The following PXN variants were observed in gnomAD, a reference collection of about 807,000 sequenced individuals.
PXN encodes the protein paxillin.
In PXN, 61 loss-of-function variants were observed where a neutral mutation model predicts 103.6. The observed-to-expected ratio is 0.59, with a 90% CI of 0.48 to 0.73. PXN has a LOEUF of 0.73. Ranked by LOEUF, PXN falls within the 30% of genes least tolerant of loss-of-function variation. The probability of loss-of-function intolerance (pLI) is 0.00; values close to 1 mark genes in which losing one functional copy is unlikely to be tolerated. For synonymous variants in PXN, 562 were observed against 607.8 expected (o/e 0.92, Z 1.11); for missense variants, 1,274 against 1,460.3 (o/e 0.87, Z 2.08).
chr12:120,234,745 T>C (rs58777856), intron 1 of PXN, among the ~76,000 whole-genome samples: 2,441 of 152,114 alleles, frequency 0.016, 51 homozygotes, highest in East Asian at 0.1. Context: ...TAGCGCACAG[T>C]GAGTAATGGA....
At chr12:120,248,214 A>G (rs1594501261) in intron 1 of PXN, among the ~76,000 whole-genome samples, 1 of 152,066 alleles carries the variant, frequency 6.6e-6, no homozygotes, top group East Asian at 1.9e-4. Context: ...TCTGGGGAAC[A>G]TGAGGGACCC....
intron 3 of PXN, 140 bp from the exon 4 acceptor site, chr12:120,223,139 G>T: frequency 7.0e-7 from 1 of 1,426,148 alleles, no homozygotes; most frequent in Non-Finnish European, 9.5e-7. Context: ...GTAGGGAAGG[G>T]ATGTGGTAAG....
intron 1 of PXN, among the ~76,000 whole-genome samples, chr12:120,241,982 T>G (rs1450485115): frequency 6.6e-6 from 1 of 151,284 alleles, no homozygotes. Flanking sequence ...GGAGAAGGAG[T>G]GAGGAGTGCA....
intron 1 of PXN, among the ~76,000 whole-genome samples, chr12:120,253,020 A>G (rs1025059502): frequency 2.0e-5 from 3 of 149,564 alleles, no homozygotes; most frequent in Non-Finnish European, 3.0e-5. Flanking sequence ...AAAAAAAAAA[A>G]GGAACAACAT....
At position 120,223,014 on chromosome 12, in the gene PXN, G is replaced by A. The variant is rs939516427; in HGVS notation, c.357-15C>T. 4 of 1,613,846 alleles carry A rather than the reference G, an allele frequency of 2.5e-6. No individual in the cohort carries two copies. The highest frequency in any genetic ancestry group is 3.3e-5 in the Admixed American group (2 of 59,994). ...TGTTGGGGAAGCTTTGAGAGGCAAA[G>A]GAAAGAAGATAGTGAGAGATGCTTT... On this transcript the variant is annotated splice_polypyrimidine_tract_variant and intron_variant, in intron 3 of 14. Transcript: ENST00000637617.
At chr12:120,252,277 G>A (rs1264094686) in intron 1 of PXN, among the ~76,000 whole-genome samples, 1 of 152,170 alleles carries the variant, frequency 6.6e-6, no homozygotes, top group East Asian at 1.9e-4. Flanking sequence ...GTGGCAAGGG[G>A]TATTTGAAAG....
intron 7 of PXN, among the ~76,000 whole-genome samples, chr12:120,218,942 C>G (rs565690958): frequency 4.1e-4 from 62 of 152,308 alleles, no homozygotes; most frequent in Admixed American, 1.2e-3. Flanking sequence ...TGCTGCTAAC[C>G]ATTTCACCAC....
Position 120,212,371 on chromosome 12 carries a change from G to A in PXN, c.3189C>T (p.Phe1063=). The change falls in exon 15 of 15, where the codon TTC becomes TTT. Residue 1063 remains phenylalanine (F), a synonymous_variant. Coordinates refer to ENST00000637617, the MANE Select transcript of PXN (RefSeq NM_001385981.1). The surrounding 1 kb of genome is among the most constrained non-coding windows in gnomAD (Gnocchi z 7.2). Reference sequence around the variant, plus strand: ...AGTAAGGCTTGTCGTTCTGCTCCTTGAAGGTGCCCTTGTTGAGCTGCTTGA... The same window carrying A: ...AGTAAGGCTTGTCGTTCTGCTCCTTAAAGGTGCCCTTGTTGAGCTGCTTGA... The part of the protein sequence containing the change: ...FCLKQLNKGT[F]KEQNDKPYCQ... 6.2e-7 allele frequency: 1 copy of A among 1,614,040 alleles called. No individual in the cohort carries two copies. The highest frequency in any genetic ancestry group is 8.5e-7 in the Non-Finnish European group (1 of 1,179,904).
rs1322220697 is a variant in PXN, at chr12:120,211,978, T to A, written c.*336A>T. ...GCCCCCCGGCTGCACTGCTGAAATA[T>A]GAGGAAGAGATGGCTCCAGTGTGGG... On this transcript the variant is annotated 3_prime_UTR_variant, in exon 15 of 15. Transcript: ENST00000637617. The A allele has an allele frequency of 1.7e-6, 1 of 583,074 alleles. No homozygotes were observed. 36.1% of individuals were successfully genotyped at this position (583,074 alleles called of 1,614,324 possible).
rs375047800 is a variant in PXN at position 120,214,110 on chromosome 12, G to A, written c.2830+26C>T. The A allele has an allele frequency of 1.7e-5, 26 of 1,554,744 alleles. No individual in the cohort carries two copies. The Middle Eastern group carries it at 6.7e-4, about 40-fold the overall frequency. On this transcript the variant is annotated intron_variant, in intron 13 of 14. Coordinates refer to ENST00000637617, the MANE Select transcript of PXN (RefSeq NM_001385981.1). This position sits in a 1 kb window ranked among gnomAD's most constrained non-coding sequence, Gnocchi z 5.0. ...TCCCCGGCCCTCCTAAGAGGCGGTGGGTCAGTCCGCCGGTCCAGCCCGTAC... is the reference window on the plus strand; with the variant it reads ...TCCCCGGCCCTCCTAAGAGGCGGTGAGTCAGTCCGCCGGTCCAGCCCGTAC...
intron 1 of PXN, among the ~76,000 whole-genome samples, chr12:120,257,383 G>A (rs1323305375): frequency 6.6e-6 from 1 of 152,172 alleles, no homozygotes; most frequent in East Asian, 1.9e-4. Flanking sequence ...TTTCAAATAG[G>A]CAGAGTGAAG....
chr12:120,219,671 G>T lies in PXN; in HGVS notation c.1252C>A (p.Gln418Lys). ...STALQEPGEP[Q>K]GPPASPSCPE... Reference sequence around the variant, plus strand: ...CACGAAGGGCTGGCTGGTGGCCCCTGGGGCTCCCCAGGCTCTTGGAGAGCT... The same window carrying T: ...CACGAAGGGCTGGCTGGTGGCCCCTTGGGCTCCCCAGGCTCTTGGAGAGCT... Residue 418 changes from glutamine to lysine, a missense_variant, in exon 7 of 15, where the codon CAG becomes AAG. Physicochemically the swap from Gln to Lys is moderately conservative, Grantham distance 53. This residue lies in a region of PXN where 1,178 missense variants were observed against 1,309.0 expected (regional missense o/e 0.90). Transcript: ENST00000637617. The surrounding 1 kb of genome is among the most constrained non-coding windows in gnomAD (Gnocchi z 6.5). 6.3e-7 allele frequency: 1 copy of T among 1,587,166 alleles called. No individual in the cohort carries two copies. Among genetic ancestry groups the T allele is most frequent in the East Asian group, 2.3e-5 (1 of 44,168 alleles).
intron 1 of PXN, among the ~76,000 whole-genome samples, chr12:120,240,930 C>G (rs1236964945): frequency 2.6e-5 from 4 of 152,186 alleles, no homozygotes; most frequent in Admixed American, 2.0e-4. Context: ...CTCCCTAACC[C>G]TGGAGCAAAA....
rs149982671 is a variant in PXN at position 120,220,130 on chromosome 12, G to C, written c.832-39C>G. 2,100 of 820,622 alleles carry C rather than the reference G, an allele frequency of 2.6e-3. 8 individuals carry two copies. Among genetic ancestry groups the C allele is most frequent in the Non-Finnish European group, 3.5e-3 (1,861 of 538,604 alleles). 50.8% of individuals were successfully genotyped at this position (820,622 alleles called of 1,614,324 possible). On this transcript the variant is annotated intron_variant, in intron 6 of 14. Transcript: ENST00000637617. This position sits in a 1 kb window ranked among gnomAD's most constrained non-coding sequence, Gnocchi z 6.1. ...AAATGCAGAGGGGAGAGGAGAGAGA[G>C]AGATGAGGGGAGTGAGGACGGCTGC...
At position 120,224,489 on chromosome 12, in the gene PXN, C is replaced by T; in HGVS notation, c.14-112G>A. Reference sequence around the variant, plus strand: ...AGTTAATGCCTTCTAGCACCTGCCCCACCCATGGGAGAAATGACCAGCCTT... The same window carrying T: ...AGTTAATGCCTTCTAGCACCTGCCCTACCCATGGGAGAAATGACCAGCCTT... On this transcript the variant is annotated intron_variant, in intron 1 of 14. Coordinates refer to ENST00000637617, the MANE Select transcript of PXN (RefSeq NM_001385981.1). The surrounding 1 kb of genome is among the most constrained non-coding windows in gnomAD (Gnocchi z 5.0). 1 of 830,024 alleles carries T rather than the reference C, an allele frequency of 1.2e-6. No homozygotes were observed. Among genetic ancestry groups the T allele is most frequent in the Non-Finnish European group, 2.1e-6 (1 of 475,918 alleles). The allele number at this position is 830,024 out of a possible 1,614,324, so 51.4% of individuals were successfully genotyped here.
intron 1 of PXN, among the ~76,000 whole-genome samples, chr12:120,238,659 TG>T (rs1232450766): frequency 2.0e-5 from 3 of 152,240 alleles, no homozygotes; most frequent in Admixed American, 1.3e-4. Flanking sequence ...GAAGGTTGTT[TG>T]GAAGTTGGAT....
At chr12:120,257,289 A>G (rs1374258668) in intron 1 of PXN, among the ~76,000 whole-genome samples, 1 of 152,196 alleles carries the variant, frequency 6.6e-6, no homozygotes, top group Non-Finnish European at 1.5e-5. Context: ...TTTCATTAAA[A>G]CAATTACCTG....
rs1489325645 is a variant in PXN, at chr12:120,215,152, G to A, written c.2525C>T (p.Thr842Ile). 2 of 1,571,666 alleles carry A rather than the reference G, an allele frequency of 1.3e-6. No homozygotes were observed. The highest frequency in any genetic ancestry group is 1.7e-6 in the Non-Finnish European group (2 of 1,156,566). Residue 842 changes from threonine (T) to isoleucine (I), a missense_variant, in exon 11 of 15, where the codon ACA (threonine) becomes ATA (isoleucine). This residue lies in a region of PXN where 1,178 missense variants were observed against 1,309.0 expected (regional missense o/e 0.90). Coordinates refer to ENST00000637617, the MANE Select transcript of PXN (RefSeq NM_001385981.1). This position sits in a 1 kb window ranked among gnomAD's most constrained non-coding sequence, Gnocchi z 4.9. ...QSDLNKLGVA[T>I]VAKGVCGACK... Reference sequence around the variant, plus strand: ...GGCCCCGCAGACTCCTTTGGCGACTGTGGCGACCCCCAGCTTGTTCAGGTC... The same window carrying A: ...GGCCCCGCAGACTCCTTTGGCGACTATGGCGACCCCCAGCTTGTTCAGGTC...
intron 1 of PXN, among the ~76,000 whole-genome samples, chr12:120,235,247 C>G (rs1888807386): frequency 6.6e-6 from 1 of 152,162 alleles, no homozygotes; most frequent in Admixed American, 6.5e-5. Context: ...AGAGCAGCCT[C>G]TGCTCCTGCC....
Sources: allele counts gnomAD v4.1 joint callset (sites outside exome capture counted in the v4.1 genomes callset), GRCh38; gene constraint gnomAD v4.1.1; regional missense constraint gnomAD v4.1.1; non-coding constraint Gnocchi (gnomAD v3.1); transcripts MANE v1.5; gene names NCBI Gene and HGNC (gene_info 2026-07-23, HGNC 2026-07-21).